Variants in PKNOX2 observed in about 807,000 individuals in gnomAD.
PKNOX2 encodes PBX/knotted 1 homeobox 2.
Under a neutral mutation model 53.1 loss-of-function variants are expected in PKNOX2, and 14 were observed. That is an observed-to-expected ratio of 0.26 (90% CI 0.17 to 0.41). PKNOX2 has a LOEUF of 0.41. PKNOX2 is among the 10% of genes least tolerant of loss of function. PKNOX2 has a pLI of 1.00. For synonymous variants in PKNOX2, 257 were observed against 242.8 expected (o/e 1.06, Z -0.54); for missense variants, 496 against 602.8 (o/e 0.82, Z 1.85).
At chr11:125,195,879 A>ACATG (rs1391655126) in intron 1 of PKNOX2, among the ~76,000 whole-genome samples, 3 of 112,970 alleles carry the variant, frequency 2.7e-5, no homozygotes, top group African/African-American at 1.1e-4. Context: ...AGGAATATGT[A>ACATG]CATGCACACA....
chr11:125,283,162 T>A (rs2135861770), intron 2 of PKNOX2, among the ~76,000 whole-genome samples: 1 of 147,246 alleles, frequency 6.8e-6, no homozygotes, highest in Non-Finnish European at 1.5e-5. Context: ...AAAAAATATA[T>A]AAATAATAAA....
intron 4 of PKNOX2, among the ~76,000 whole-genome samples, chr11:125,367,434 G>A (rs1440518086): frequency 1.3e-5 from 2 of 152,288 alleles, no homozygotes; most frequent in South Asian, 2.1e-4. Context: ...GTGTCCAAAC[G>A]ACAGCTGATT....
intron 1 of PKNOX2, among the ~76,000 whole-genome samples, chr11:125,198,923 C>A (rs1938102029): frequency 6.6e-6 from 1 of 151,718 alleles, no homozygotes; most frequent in Non-Finnish European, 1.5e-5. Context: ...TCACTGCAAC[C>A]TCCACCTCCC....
intron 1 of PKNOX2, among the ~76,000 whole-genome samples, chr11:125,182,182 T>C (rs773635364): frequency 2.6e-5 from 4 of 152,208 alleles, no homozygotes; most frequent in Non-Finnish European, 5.9e-5. Context: ...TGCCCAGGAT[T>C]GTAACGACTT....
chr11:125,378,142 G>A (rs1313716646), intron 5 of PKNOX2, among the ~76,000 whole-genome samples: 1 of 152,228 alleles, frequency 6.6e-6, no homozygotes, highest in African/African-American at 2.4e-5. Context: ...TCTGGCCTGG[G>A]CACTAAGAAA....
chr11:125,377,097 G>A (rs997775352), intron 5 of PKNOX2, among the ~76,000 whole-genome samples: 1 of 152,278 alleles, frequency 6.6e-6, no homozygotes, highest in South Asian at 2.1e-4. Context: ...AAGTGCCCAC[G>A]CACCGTTCCA....
chr11:125,346,780 G>A (rs1950994505), intron 3 of PKNOX2, among the ~76,000 whole-genome samples: 1 of 141,288 alleles, frequency 7.1e-6, no homozygotes, highest in Non-Finnish European at 1.5e-5. Flanking sequence ...AGGGAGGGAA[G>A]AAGGGACAGG....
At chr11:125,171,038 C>T (rs1225873363) in intron 1 of PKNOX2, among the ~76,000 whole-genome samples, 1 of 152,166 alleles carries the variant, frequency 6.6e-6, no homozygotes, top group South Asian at 2.1e-4. Context: ...AGCAGCAGGT[C>T]ACAGGGCACT....
intron 2 of PKNOX2, among the ~76,000 whole-genome samples, chr11:125,264,976 C>T (rs1215266907): frequency 6.6e-6 from 1 of 152,124 alleles, no homozygotes; most frequent in Non-Finnish European, 1.5e-5. Flanking sequence ...CCTGTGTGAA[C>T]ACCTTGTCTT....
chr11:125,420,715 A>G (rs1402970765), intron 10 of PKNOX2, among the ~76,000 whole-genome samples: 1 of 152,174 alleles, frequency 6.6e-6, no homozygotes, highest in African/African-American at 2.4e-5. Context: ...TTGTGAACAT[A>G]GTTTCAGGGC....
intron 2 of PKNOX2, among the ~76,000 whole-genome samples, chr11:125,245,403 T>C (rs1181610551): frequency 6.6e-6 from 1 of 152,252 alleles, no homozygotes; most frequent in Non-Finnish European, 1.5e-5. Context: ...AACACATTCA[T>C]GTTTCCACTG....
intron 2 of PKNOX2, chr11:125,258,605 A>G (rs995116665): frequency 1.3e-5 from 2 of 158,834 alleles, no homozygotes; most frequent in Non-Finnish European, 2.8e-5. Context: ...AGTTTTAATG[A>G]GCATTATAAA....
intron 2 of PKNOX2, chr11:125,239,797 A>G (rs368842429): frequency 6.6e-6 from 1 of 152,298 alleles, no homozygotes; most frequent in African/African-American, 2.4e-5. Flanking sequence ...CCGTGGCCCC[A>G]GCCTCCAGGT....
chr11:125,248,402 C>T (rs1278323108), intron 2 of PKNOX2, among the ~76,000 whole-genome samples: 1 of 152,062 alleles, frequency 6.6e-6, no homozygotes, highest in Admixed American at 6.6e-5. Context: ...ACTCTACAGG[C>T]AAAGCCTCCA....
intron 1 of PKNOX2, among the ~76,000 whole-genome samples, chr11:125,226,130 TATTTC>T (rs1231028292): frequency 2.6e-5 from 4 of 152,216 alleles, no homozygotes; most frequent in African/African-American, 9.7e-5. Flanking sequence ...AGTATGTAAT[TATTTC>T]ATTTCATTTT....
At chr11:125,419,453 A>AC (rs1491385179) in intron 10 of PKNOX2, among the ~76,000 whole-genome samples, 129 of 22,588 alleles carry the variant, frequency 5.7e-3, no homozygotes, top group Non-Finnish European at 0.015. Context: ...AAAAAAAAAG[A>AC]AAAAAAAAAA....
intron 3 of PKNOX2, among the ~76,000 whole-genome samples, chr11:125,336,826 A>G (rs1377430701): frequency 6.8e-6 from 1 of 147,390 alleles, no homozygotes; most frequent in Non-Finnish European, 1.5e-5. Flanking sequence ...ATCACATATA[A>G]TAGTATAATA....
intron 2 of PKNOX2, among the ~76,000 whole-genome samples, chr11:125,265,242 G>A (rs1000088151): frequency 6.6e-5 from 10 of 151,148 alleles, no homozygotes; most frequent in Non-Finnish European, 7.4e-5. Flanking sequence ...GGCCGAGATC[G>A]CACCATTGTA....
chr11:125,382,180 T>G (rs555637489), intron 5 of PKNOX2, among the ~76,000 whole-genome samples: 15 of 152,330 alleles, frequency 9.8e-5, no homozygotes, highest in African/African-American at 3.6e-4. Flanking sequence ...GCACCCCAGT[T>G]ACATACACTA....
Sources: allele counts gnomAD v4.1 joint callset (sites outside exome capture counted in the v4.1 genomes callset), GRCh38; gene constraint gnomAD v4.1.1; transcripts MANE v1.5; gene names NCBI Gene and HGNC (gene_info 2026-07-23, HGNC 2026-07-21).